The following THSD7A variants were observed in gnomAD, a reference collection of about 807,000 sequenced individuals.
The protein encoded by THSD7A is thrombospondin type 1 domain containing 7A.
Under a neutral mutation model 231.3 loss-of-function variants are expected in THSD7A, and 96 were observed. The observed-to-expected ratio is 0.41, with a 90% confidence interval of 0.35 to 0.49. The LOEUF is 0.49. Ranked by LOEUF, THSD7A falls within the 20% of genes least tolerant of loss-of-function variation. The pLI is 0.05. For missense variants in THSD7A, 2,290 were observed against 2,070.2 expected (o/e 1.11, Z -2.06); for synonymous variants, 940 against 743.3 (o/e 1.26, Z -4.30).
Position 11,549,055 on chromosome 7 carries a change from GA to G in THSD7A, c.1454-5939del, listed in dbSNP as rs539817051. On this transcript the variant is annotated intron_variant, in intron 4 of 27. Coordinates refer to ENST00000423059, the MANE Select transcript of THSD7A (RefSeq NM_015204.3). ...ATCTACAAGGAACTTAAATTTAAAA[GA>G]AAAAAAACCCCATTAAAAAGTGGGA... is the stretch of plus-strand genomic sequence containing the variant. 4.0e-5 allele frequency among the ~76,000 whole-genome samples: 6 copies of G among 151,210 alleles called. No homozygotes were observed. The South Asian group carries it at 8.4e-4, about 21-fold the overall frequency.
chr7:11,528,564 T>C (rs1583912025), intron 6 of THSD7A, among the ~76,000 whole-genome samples: 3 of 152,308 alleles, frequency 2.0e-5, no homozygotes, highest in South Asian at 2.1e-4. Flanking sequence ...ACAATGTATA[T>C]TAATCTTCTA....
intron 1 of THSD7A, among the ~76,000 whole-genome samples, chr7:11,673,897 C>T (rs1364411803): frequency 6.6e-6 from 1 of 152,084 alleles, no homozygotes; most frequent in Non-Finnish European, 1.5e-5. Context: ...TGAGCAGCCT[C>T]CATGGATACC....
At chr7:11,727,508 C>T (rs10236689) in intron 1 of THSD7A, among the ~76,000 whole-genome samples, 3,988 of 151,946 alleles carry the variant, frequency 0.026, 174 homozygotes, top group African/African-American at 0.092. Flanking sequence ...ATAAGATAGA[C>T]ATTCATTTAC....
intron 19 of THSD7A, among the ~76,000 whole-genome samples, chr7:11,410,874 C>CA (rs1445430550): frequency 6.6e-6 from 1 of 152,052 alleles, no homozygotes. Context: ...CCAGGCACTA[C>CA]ACAAAATTCA....
At chr7:11,802,578 A>C (rs1453948830) in intron 1 of THSD7A, among the ~76,000 whole-genome samples, 5 of 152,190 alleles carry the variant, frequency 3.3e-5, no homozygotes, top group Admixed American at 3.3e-4. Flanking sequence ...AGGTTGAGTT[A>C]AGAGTGGGCC....
At chr7:11,472,275 A>T (rs1390430602) in intron 8 of THSD7A, among the ~76,000 whole-genome samples, 10 of 152,140 alleles carry the variant, frequency 6.6e-5, no homozygotes, top group Admixed American at 6.6e-4. Flanking sequence ...TTCAAGGTCA[A>T]ATTAAACAGA....
At chr7:11,546,189 G>GGTGCGGGCGCAT (rs1211087296) in intron 4 of THSD7A, among the ~76,000 whole-genome samples, 1 of 84,232 alleles carries the variant, frequency 1.2e-5, no homozygotes, top group Non-Finnish European at 2.3e-5. Context: ...TGTTGTTGCT[G>GGTGCGGGCGCAT]GTGTGGGCGC....
intron 6 of THSD7A, among the ~76,000 whole-genome samples, chr7:11,496,434 A>G (rs138404150): frequency 4.9e-4 from 75 of 152,304 alleles, no homozygotes; most frequent in African/African-American, 1.7e-3. Context: ...GGCCCATAGT[A>G]TGGAAAACAC....
intron 1 of THSD7A, among the ~76,000 whole-genome samples, chr7:11,658,373 C>T (rs1052521977): frequency 1.3e-5 from 2 of 151,664 alleles, no homozygotes; most frequent in Admixed American, 1.3e-4. Flanking sequence ...TTGTCACTTG[C>T]TAATACACTT....
intron 2 of THSD7A, among the ~76,000 whole-genome samples, chr7:11,618,750 CACTGCACA>C (rs1781203574): frequency 6.7e-6 from 1 of 148,988 alleles, no homozygotes; most frequent in Non-Finnish European, 1.5e-5. Flanking sequence ...ATCGCGCCAA[CACTGCACA>C]GGAGCCTGGG....
intron 23 of THSD7A, among the ~76,000 whole-genome samples, chr7:11,385,866 C>A (rs1030237555): frequency 6.6e-6 from 1 of 152,084 alleles, no homozygotes; most frequent in East Asian, 1.9e-4. Context: ...TATCCCTCCC[C>A]CTTACCTCCA....
intron 1 of THSD7A, among the ~76,000 whole-genome samples, chr7:11,792,237 G>C (rs1783974803): frequency 6.6e-6 from 1 of 151,870 alleles, no homozygotes; most frequent in Non-Finnish European, 1.5e-5. Flanking sequence ...AATCATAACT[G>C]ATCAGTCTGC....
At position 11,441,124 on chromosome 7, in the gene THSD7A, T is replaced by G. The variant is rs187804468; in HGVS notation, c.3064+4937A>C. ...TATTCATCCATTTATTCTACAAATT[T>G]TGTGGAACACCTACTACTGTTCTAG... On this transcript the variant is annotated intron_variant, in intron 13 of 27. Transcript: ENST00000423059. 5.9e-5 allele frequency among the ~76,000 whole-genome samples: 9 copies of G among 152,194 alleles called. No homozygotes were observed. In the South Asian group the frequency reaches 1.0e-3, roughly 18 times the overall value.
chr7:11,406,648 T>C lies in THSD7A; in HGVS notation c.4063-174A>G, dbSNP rs1434188116. On this transcript the variant is annotated intron_variant, in intron 21 of 27. Coordinates refer to ENST00000423059, the MANE Select transcript of THSD7A (RefSeq NM_015204.3). This position sits in a 1 kb window ranked among gnomAD's most constrained non-coding sequence, Gnocchi z 4.7. ...AGCAATAAAGCATACATTGAACAAT[T>C]TGTTTCCTAGCTAAAGACAGGAAAA... 6.6e-6 allele frequency among the ~76,000 whole-genome samples: 1 copy of C among 152,202 alleles called. No homozygotes were observed. The highest frequency in any genetic ancestry group is 1.5e-5 in the Non-Finnish European group (1 of 68,030).
At chr7:11,437,755 C>A (rs1268829066) in intron 13 of THSD7A, among the ~76,000 whole-genome samples, 4 of 152,014 alleles carry the variant, frequency 2.6e-5, no homozygotes, top group Admixed American at 2.6e-4. Context: ...GGAACAATTT[C>A]TCATTCAATT....
In THSD7A at chr7:11,824,377, A is replaced by T. The variant is rs75499130; in HGVS notation, c.190+7380T>A. Among the ~76,000 whole-genome samples, 628 of 152,206 alleles carry T rather than the reference A, an allele frequency of 4.1e-3. 3 individuals carry two copies. The highest frequency in any genetic ancestry group is 0.014 in the African/African-American group (595 of 41,556). ...AGGTCAAGAAACTTGTATTCCTCCT[A>T]AAAGGACCCAAACTACAATCGCACT... On this transcript the variant is annotated intron_variant, in intron 1 of 27. Coordinates refer to ENST00000423059, the MANE Select transcript of THSD7A (RefSeq NM_015204.3).
At chr7:11,548,182 C>A (rs937723251) in intron 4 of THSD7A, among the ~76,000 whole-genome samples, 3 of 152,034 alleles carry the variant, frequency 2.0e-5, no homozygotes, top group African/African-American at 7.2e-5. Context: ...GTGACATAAC[C>A]AGTGACCCCA....
At chr7:11,697,302 T>C (rs1780433104) in intron 1 of THSD7A, among the ~76,000 whole-genome samples, 1 of 151,432 alleles carries the variant, frequency 6.6e-6, no homozygotes, top group South Asian at 2.1e-4. Flanking sequence ...GACTGTCAAC[T>C]ACCCATTAAC....
Position 11,632,919 on chromosome 7 carries a change from C to T in THSD7A, c.1022+3211G>A, listed in dbSNP as rs796559645. 1.1e-4 allele frequency among the ~76,000 whole-genome samples: 16 copies of T among 152,232 alleles called. No homozygotes were observed. Among genetic ancestry groups the T allele is most frequent in the African/African-American group, 3.1e-4 (13 of 41,568 alleles). ...CTGGTTCTATCTTCAGGAACATCAGCGTTTCATATAGTAATGTCCTTTGTT... is the reference window on the plus strand; with the variant it reads ...CTGGTTCTATCTTCAGGAACATCAGTGTTTCATATAGTAATGTCCTTTGTT... On this transcript the variant is annotated intron_variant, in intron 2 of 27. Transcript: ENST00000423059. The surrounding 1 kb of genome is among the most constrained non-coding windows in gnomAD (Gnocchi z 4.1).
Sources: allele counts gnomAD v4.1 joint callset (sites outside exome capture counted in the v4.1 genomes callset), GRCh38; gene constraint gnomAD v4.1.1; non-coding constraint Gnocchi (gnomAD v3.1); transcripts MANE v1.5; gene names NCBI Gene and HGNC (gene_info 2026-07-23, HGNC 2026-07-21).